Variants in C1QTNF7 observed in about 807,000 individuals in gnomAD.
C1QTNF7 encodes C1q and TNF related 7, also known as complement C1q tumor necrosis factor-related protein 7.
Under a neutral mutation model 19.6 loss-of-function variants are expected in C1QTNF7, and 15 were observed. The observed-to-expected ratio is 0.76, with a 90% CI of 0.51 to 1.18. The LOEUF (loss-of-function observed/expected upper bound fraction) is 1.18, where lower values mean the gene tolerates loss of function less well. C1QTNF7 is among the 50% of genes most tolerant of loss of function. The probability of loss-of-function intolerance (pLI) is 0.00; values close to 1 mark genes in which losing one functional copy is unlikely to be tolerated. For missense variants in C1QTNF7, 324 were observed against 359.7 expected (o/e 0.90, Z 0.80); for synonymous variants, 142 against 137.5 (o/e 1.03, Z -0.23).
intron 1 of C1QTNF7, chr4:15,373,793 C>G (rs139677972): frequency 8.5e-5 from 13 of 152,310 alleles, no homozygotes; most frequent in African/African-American, 3.1e-4. Flanking sequence ...GGCCACTATA[C>G]TCCTCCTTCT....
chr4:15,432,725 G>A (rs2108936073), intron 1 of C1QTNF7, among the ~76,000 whole-genome samples: 1 of 152,276 alleles, frequency 6.6e-6, no homozygotes, highest in South Asian at 2.1e-4. Flanking sequence ...GATTTTTACG[G>A]AATAATCACT....
chr4:15,408,077 GC>G (rs1428242786), intron 1 of C1QTNF7, among the ~76,000 whole-genome samples: 3 of 152,044 alleles, frequency 2.0e-5, no homozygotes, highest in Non-Finnish European at 4.4e-5. Flanking sequence ...GAGCAGCCTG[GC>G]CAATATGGTG....
chr4:15,407,728 T>C (rs1719242786), intron 1 of C1QTNF7, among the ~76,000 whole-genome samples: 1 of 152,118 alleles, frequency 6.6e-6, no homozygotes, highest in African/African-American at 2.4e-5. Flanking sequence ...AATTAATATT[T>C]TATACAGTCA....
intron 1 of C1QTNF7, among the ~76,000 whole-genome samples, chr4:15,348,703 C>T (rs546822822): frequency 1.3e-5 from 2 of 152,184 alleles, no homozygotes; most frequent in African/African-American, 2.4e-5. Context: ...AAAACTCATA[C>T]ATCTGGACAT....
intron 1 of C1QTNF7, among the ~76,000 whole-genome samples, chr4:15,400,782 T>C (rs1320863101): frequency 6.6e-6 from 1 of 152,226 alleles, no homozygotes; most frequent in Non-Finnish European, 1.5e-5. Flanking sequence ...AAAAGGTTTA[T>C]GTACTGATGC....
chr4:15,357,903 A>G (rs1201033116), intron 1 of C1QTNF7, among the ~76,000 whole-genome samples: 2 of 152,210 alleles, frequency 1.3e-5, no homozygotes, highest in African/African-American at 4.8e-5. Context: ...ATTGGTATAT[A>G]GGAATGCATG....
intron 1 of C1QTNF7, among the ~76,000 whole-genome samples, chr4:15,378,930 CA>C (rs1293970112): frequency 6.6e-6 from 1 of 152,202 alleles, no homozygotes; most frequent in Non-Finnish European, 1.5e-5. Context: ...CTTTGTCTTT[CA>C]ATTAGCCTAA....
chr4:15,381,736 C>G (rs1245936576), intron 1 of C1QTNF7: 1 of 152,228 alleles, frequency 6.6e-6, no homozygotes, highest in Non-Finnish European at 1.5e-5. Context: ...TAATTCTCTT[C>G]TCCCTTGCTT....
At chr4:15,439,601 G>T (rs1712669349) in intron 2 of C1QTNF7, among the ~76,000 whole-genome samples, 1 of 152,118 alleles carries the variant, frequency 6.6e-6, no homozygotes, top group Non-Finnish European at 1.5e-5. Flanking sequence ...ACCCAGAAAA[G>T]AAATGACTCG....
chr4:15,374,941 T>C (rs1467079746), intron 1 of C1QTNF7, among the ~76,000 whole-genome samples: 1 of 151,954 alleles, frequency 6.6e-6, no homozygotes, highest in African/African-American at 2.4e-5. Flanking sequence ...CTCTGGGGGT[T>C]GCTTCTGCTG....
At chr4:15,384,677 C>T (rs1718266396) in intron 1 of C1QTNF7, among the ~76,000 whole-genome samples, 1 of 152,214 alleles carries the variant, frequency 6.6e-6, no homozygotes, top group Admixed American at 6.5e-5. Context: ...AAACCATAGA[C>T]CATTTTTATA....
intron 1 of C1QTNF7, among the ~76,000 whole-genome samples, chr4:15,353,939 T>C (rs1717027493): frequency 6.6e-6 from 1 of 152,180 alleles, no homozygotes; most frequent in African/African-American, 2.4e-5. Flanking sequence ...CCTGATCTAT[T>C]CTAACCCTTG....
At chr4:15,416,725 G>A (rs1322780792) in intron 1 of C1QTNF7, among the ~76,000 whole-genome samples, 3 of 152,192 alleles carry the variant, frequency 2.0e-5, no homozygotes, top group African/African-American at 7.2e-5. Context: ...ATTGTAAGAA[G>A]CCAATTTCTG....
chr4:15,431,060 A>AGATT lies in C1QTNF7; in HGVS notation c.-9+2957_-9+2958insTGAT, dbSNP rs1712285558. The stretch of plus-strand genomic sequence containing the variant: ...AGATTAAGATAGATAGATGATAGAT[A>AGATT]GATAGATAGATAGATAGATAGATAG... On this transcript the variant is annotated intron_variant, in intron 1 of 2. Coordinates refer to ENST00000444304, the MANE Select transcript of C1QTNF7 (RefSeq NM_031911.5). 4.0e-5 allele frequency among the ~76,000 whole-genome samples: 5 copies of AGATT among 124,280 alleles called. No individual in the cohort carries two copies. In the Admixed American group the frequency reaches 4.3e-4, roughly 11 times the overall value. The allele number at this position is 124,280 out of a possible 152,430, so 81.5% of individuals were successfully genotyped here. A position where few individuals can be genotyped will look rare whatever the true frequency, so the allele number is the denominator to read the frequency against.
chr4:15,441,413 C>A (rs779321440), intron 2 of C1QTNF7, among the ~76,000 whole-genome samples: 1 of 152,140 alleles, frequency 6.6e-6, no homozygotes, highest in Non-Finnish European at 1.5e-5. Flanking sequence ...TAAATATAAG[C>A]AAATCTAATT....
chr4:15,366,334 A>G (rs1425250445), intron 1 of C1QTNF7, among the ~76,000 whole-genome samples: 1 of 152,192 alleles, frequency 6.6e-6, no homozygotes, highest in Non-Finnish European at 1.5e-5. Context: ...ACCCTATCCA[A>G]AAATGGCACT....
chr4:15,360,946 A>G (rs1200932332), intron 1 of C1QTNF7, among the ~76,000 whole-genome samples: 1 of 152,148 alleles, frequency 6.6e-6, no homozygotes, highest in Non-Finnish European at 1.5e-5. Context: ...TATATCTAAC[A>G]CCTATAAGAG....
intron 1 of C1QTNF7, among the ~76,000 whole-genome samples, chr4:15,407,483 CT>C (rs1719235151): frequency 6.6e-6 from 1 of 152,142 alleles, no homozygotes; most frequent in African/African-American, 2.4e-5. Flanking sequence ...AGCCGCAAGC[CT>C]AATCAAGTGG....
chr4:15,424,702 C>T (rs1200229437), upstream of C1QTNF7, among the ~76,000 whole-genome samples: 3 of 152,214 alleles, frequency 2.0e-5, no homozygotes, highest in African/African-American at 7.2e-5. Flanking sequence ...ACAACTCTAC[C>T]TTGATGCCTC....
Sources: allele counts gnomAD v4.1 joint callset (sites outside exome capture counted in the v4.1 genomes callset), GRCh38; gene constraint gnomAD v4.1.1; transcripts MANE v1.5; gene names NCBI Gene and HGNC (gene_info 2026-07-23, HGNC 2026-07-21).